Variants in GRIP1 observed in about 807,000 individuals in gnomAD.
GRIP1 encodes the protein glutamate receptor interacting protein 1.
In GRIP1, 45 loss-of-function variants were observed where a neutral mutation model predicts 129.9. That is an observed-to-expected ratio of 0.35 (90% confidence interval 0.27 to 0.44). The LOEUF (loss-of-function observed/expected upper bound fraction) is 0.44. Ranked by LOEUF, GRIP1 falls within the 20% of genes least tolerant of loss-of-function variation. GRIP1 has a pLI of 1.00. For synonymous variants in GRIP1, 530 were observed against 520.8 expected, an observed-to-expected ratio of 1.02 and a Z score of -0.24; for missense variants, 1,196 against 1,396.8, an observed-to-expected ratio of 0.86 and a Z score of 2.29.
intron 1 of GRIP1, among the ~76,000 whole-genome samples, chr12:66,818,481 C>T (rs925065567): frequency 6.6e-6 from 1 of 152,136 alleles, no homozygotes; most frequent in Non-Finnish European, 1.5e-5. Flanking sequence ...TGAATAACTA[C>T]AATTTGCCTG....
chr12:66,801,527 T>C (rs1001849285), intron 1 of GRIP1, among the ~76,000 whole-genome samples: 2 of 152,116 alleles, frequency 1.3e-5, no homozygotes, highest in African/African-American at 4.8e-5. Flanking sequence ...AGTGATGCTG[T>C]ATTTAAGATG....
At chr12:66,525,577 C>T (rs1270126932) in intron 5 of GRIP1, among the ~76,000 whole-genome samples, 3 of 151,466 alleles carry the variant, frequency 2.0e-5, no homozygotes, top group Non-Finnish European at 3.0e-5. Context: ...CAATATCATA[C>T]TGAATGGGCA....
At chr12:66,841,206 G>C (rs2039710065) in intron 1 of GRIP1, among the ~76,000 whole-genome samples, 1 of 152,136 alleles carries the variant, frequency 6.6e-6, no homozygotes, top group Non-Finnish European at 1.5e-5. Context: ...CTGAGTGACT[G>C]GCATAATGTA....
At chr12:66,796,487 G>T (rs748448759) in intron 1 of GRIP1, among the ~76,000 whole-genome samples, 1 of 151,966 alleles carries the variant, frequency 6.6e-6, no homozygotes, top group Non-Finnish European at 1.5e-5. Context: ...CTTCAATCAG[G>T]GTCATCCCAA....
intron 1 of GRIP1, among the ~76,000 whole-genome samples, chr12:66,598,829 G>A (rs1470048474): frequency 6.6e-6 from 1 of 152,060 alleles, no homozygotes; most frequent in Non-Finnish European, 1.5e-5. Flanking sequence ...GATTTCCTCA[G>A]TTTTCTATTT....
chr12:67,051,302 C>T (rs2043342925), intron 1 of GRIP1, among the ~76,000 whole-genome samples: 1 of 152,106 alleles, frequency 6.6e-6, no homozygotes, highest in Non-Finnish European at 1.5e-5. Flanking sequence ...GTTCAACATT[C>T]ATCTACTAGA....
intron 1 of GRIP1, among the ~76,000 whole-genome samples, chr12:67,006,243 C>G (rs1387007124): frequency 6.6e-6 from 1 of 152,096 alleles, no homozygotes; most frequent in Non-Finnish European, 1.5e-5. Context: ...TGTGTCCAGT[C>G]AAGTAGGCTG....
intron 4 of GRIP1, among the ~76,000 whole-genome samples, chr12:66,537,674 A>T (rs967392721): frequency 3.9e-5 from 6 of 152,186 alleles, no homozygotes; most frequent in Admixed American, 1.3e-4. Context: ...TACTTATTGC[A>T]CAGAACTTAC....
chr12:66,849,438 C>A (rs936732640), intron 1 of GRIP1, among the ~76,000 whole-genome samples: 1 of 152,066 alleles, frequency 6.6e-6, no homozygotes, highest in African/African-American at 2.4e-5. Flanking sequence ...AATGATACTG[C>A]AAATTCTGTT....
At position 66,739,748 on chromosome 12, in the gene GRIP1, T is replaced by TAA. The variant is rs76377499; in HGVS notation, c.-420+64303_-420+64304dup. Among the ~76,000 whole-genome samples the TAA allele has an allele frequency of 2.1e-3, 280 of 135,338 alleles. 1 individual carries two copies. The highest frequency in any genetic ancestry group is 1.0e-3 in the Non-Finnish European group (63 of 61,886). 88.8% of individuals were successfully genotyped at this position (135,338 alleles called of 152,430 possible). On this transcript the variant is annotated intron_variant, in intron 1 of 4. Transcript: ENST00000538373. Reference sequence around the variant, plus strand: ...ATGTATCCCAGAACCTAAAATAAAATAAAAAAAAAAAAACCAGTCCTCCAT... The same window carrying TAA: ...ATGTATCCCAGAACCTAAAATAAAATAAAAAAAAAAAAAAACCAGTCCTCCAT...
chr12:66,855,328 A>G (rs189089373), intron 1 of GRIP1, among the ~76,000 whole-genome samples: 65 of 152,162 alleles, frequency 4.3e-4, no homozygotes, highest in Non-Finnish European at 8.8e-4. Context: ...AACTATGTAG[A>G]GCAAGAATAC....
intron 1 of GRIP1, among the ~76,000 whole-genome samples, chr12:66,828,743 G>A (rs897492171): frequency 6.6e-6 from 1 of 152,110 alleles, no homozygotes; most frequent in Admixed American, 6.6e-5. Flanking sequence ...TCTGAGAGTC[G>A]CACTATACTT....
chr12:66,627,749 A>T (rs1202555922), intron 1 of GRIP1, among the ~76,000 whole-genome samples: 1 of 152,146 alleles, frequency 6.6e-6, no homozygotes, highest in African/African-American at 2.4e-5. Context: ...TCGGGGAGTC[A>T]TTCCCTCAGA....
chr12:66,986,494 A>G (rs1268039352), intron 1 of GRIP1, among the ~76,000 whole-genome samples: 1 of 149,496 alleles, frequency 6.7e-6, no homozygotes, highest in Non-Finnish European at 1.5e-5. Context: ...AATACTATGC[A>G]GCCATAAAAA....
intron 1 of GRIP1, among the ~76,000 whole-genome samples, chr12:66,932,350 G>C (rs571548159): frequency 6.6e-6 from 1 of 152,258 alleles, no homozygotes; most frequent in South Asian, 2.1e-4. Flanking sequence ...TACTCCATTA[G>C]TCATTTGAGA....
chr12:66,766,608 G>A (rs1452250397), intron 1 of GRIP1, among the ~76,000 whole-genome samples: 1 of 152,170 alleles, frequency 6.6e-6, no homozygotes, highest in Non-Finnish European at 1.5e-5. Flanking sequence ...TGCCCTGTGA[G>A]GAACCAAACA....
At chr12:66,655,451 G>C (rs887993320) in intron 1 of GRIP1, among the ~76,000 whole-genome samples, 1 of 152,016 alleles carries the variant, frequency 6.6e-6, no homozygotes, top group Non-Finnish European at 1.5e-5. Context: ...TGGTACATTT[G>C]TTACAGCTGT....
chr12:66,741,037 G>A (rs1399464348), intron 1 of GRIP1, among the ~76,000 whole-genome samples: 1 of 152,094 alleles, frequency 6.6e-6, no homozygotes, highest in African/African-American at 2.4e-5. Context: ...CCTTGAAACG[G>A]GCTTGGTTGT....
intron 7 of GRIP1, among the ~76,000 whole-genome samples, chr12:66,485,716 T>C (rs932780487): frequency 2.0e-5 from 3 of 152,110 alleles, no homozygotes; most frequent in Non-Finnish European, 4.4e-5. Flanking sequence ...AGTAATCCTC[T>C]GAAATTGATT....
Sources: allele counts gnomAD v4.1 joint callset (sites outside exome capture counted in the v4.1 genomes callset), GRCh38; gene constraint gnomAD v4.1.1; transcripts MANE v1.5; gene names NCBI Gene and HGNC (gene_info 2026-07-23, HGNC 2026-07-21).